PDE5A: variants seen among roughly 807,000 people sequenced by gnomAD.
PDE5A encodes the protein cGMP-specific 3',5'-cyclic phosphodiesterase.
In PDE5A, 67 loss-of-function variants were observed where a neutral mutation model predicts 110.2. The ratio of observed to expected loss-of-function variants is 0.61; its 90% CI spans 0.50 to 0.75. PDE5A has a LOEUF of 0.75. Among genes scored for constraint, PDE5A ranks in the 30% least tolerant of loss-of-function variants. The pLI, the probability that PDE5A is intolerant of heterozygous loss-of-function variation, is 0.00. For synonymous variants in PDE5A, 328 were observed against 351.2 expected (o/e 0.93, Z 0.74); for missense variants, 862 against 1,045.1 (o/e 0.82, Z 2.42).
At chr4:119,505,996 A>G in intron 16 of PDE5A, 64 bp from the exon 17 acceptor site, 1 of 852,064 alleles carries the variant, frequency 1.2e-6, no homozygotes, top group Non-Finnish European at 1.8e-6. Context: ...CCTTTGGTCC[A>G]CAAAGACTCA....
Position 119,627,129 on chromosome 4 carries a change from G to C in PDE5A, c.152+1391C>G. On this transcript the variant is annotated intron_variant, in intron 1 of 20. Transcript: ENST00000354960. This position sits in a 1 kb window ranked among gnomAD's most constrained non-coding sequence, Gnocchi z 4.6. The stretch of plus-strand genomic sequence containing the variant: ...CCCGGAAAAAGTGGGAAGGGACGTA[G>C]GGGGATGCTGAAGGAAGTACCTTGT... The C allele has an allele frequency of 6.2e-7, 1 of 1,612,130 alleles. No homozygotes were observed. The highest frequency in any genetic ancestry group is 8.5e-7 in the Non-Finnish European group (1 of 1,178,966).
chr4:119,526,779 A>C (rs1252539386), intron 11 of PDE5A, among the ~76,000 whole-genome samples: 1 of 152,150 alleles, frequency 6.6e-6, no homozygotes, highest in East Asian at 1.9e-4. Flanking sequence ...TTCAGATTTC[A>C]CTTACATATA....
chr4:119,611,283 T>G (rs1311233377), intron 1 of PDE5A, among the ~76,000 whole-genome samples: 1 of 152,232 alleles, frequency 6.6e-6, no homozygotes, highest in African/African-American at 2.4e-5. Context: ...TGACTAGATA[T>G]TTCATTAGTG....
Position 119,628,611 on chromosome 4 carries a change from T to G in PDE5A, c.61A>C (p.Lys21Gln), listed in dbSNP as rs1553931693. ...GAGTCCTGATCCCTCTGCTGCTGCT[T>G]CTGCTGCTGGGGCTGCTGCTGCTGT... is the stretch of plus-strand genomic sequence containing the variant. ...QRQQQQPQQQ[K>Q]QQQRDQDSVE... Residue 21 changes from lysine (K) to glutamine (Q), a missense_variant, in exon 1 of 21, where the codon AAG (lysine) becomes CAG (glutamine). Physicochemically the swap from Lys to Gln is moderately conservative, Grantham distance 53. Coordinates refer to ENST00000354960, the MANE Select transcript of PDE5A (RefSeq NM_001083.4). The G allele has an allele frequency of 5.6e-6, 9 of 1,613,856 alleles. No individual in the cohort carries two copies. The Admixed American group carries it at 8.3e-5, about 15-fold the overall frequency.
Position 119,494,495 on chromosome 4 carries a change from C to T in PDE5A, c.*4106G>A, listed in dbSNP as rs776694877. 6.6e-6 allele frequency: 1 copy of T among 152,456 alleles called. No homozygotes were observed. The highest frequency in any genetic ancestry group is 1.5e-5 in the Non-Finnish European group (1 of 68,018). 9.4% of individuals were successfully genotyped at this position (152,456 alleles called of 1,614,324 possible). A position where few individuals can be genotyped will look rare whatever the true frequency, so the allele number is the denominator to read the frequency against. On this transcript the variant is annotated 3_prime_UTR_variant, in exon 21 of 21. Coordinates refer to ENST00000354960, the MANE Select transcript of PDE5A (RefSeq NM_001083.4). ...TTGCACAATGGAAAACCACCTTGAC[C>T]ATCTCATGACTTTATACAGGAATCG... is the stretch of plus-strand genomic sequence containing the variant.
intron 1 of PDE5A, among the ~76,000 whole-genome samples, chr4:119,624,448 G>C (rs902423153): frequency 6.6e-6 from 1 of 152,256 alleles, no homozygotes; most frequent in East Asian, 1.9e-4. Context: ...ACAGGACCAG[G>C]AACCTCAATT....
At chr4:119,615,629 GA>G (rs1314422482) in intron 1 of PDE5A, among the ~76,000 whole-genome samples, 58 of 129,092 alleles carry the variant, frequency 4.5e-4, no homozygotes, top group Admixed American at 3.2e-3. Flanking sequence ...AAAAAAAAAA[GA>G]AAAAAAAAAG....
chr4:119,567,624 G>A (rs931070053), intron 3 of PDE5A, among the ~76,000 whole-genome samples: 66 of 152,208 alleles, frequency 4.3e-4, no homozygotes, highest in African/African-American at 1.6e-3. Flanking sequence ...GATCATTAGG[G>A]CAAAAATAAT....
chr4:119,542,521 G>C lies in PDE5A; in HGVS notation c.1510C>G (p.Gln504Glu). The change falls in exon 10 of 21, where the codon CAG (glutamine) becomes GAG (glutamate). Residue 504 changes from glutamine to glutamate, a missense_variant. Coordinates refer to ENST00000354960, the MANE Select transcript of PDE5A (RefSeq NM_001083.4). ...ACTGCTTCATACATCTGCGTGTTCT[G>C]GATCCCCAAGCCACAAAAGATGACA... ...AFVIFCGLGIQNTQMYEAVER... is the reference protein window; with the variant it reads ...AFVIFCGLGIENTQMYEAVER... The C allele has an allele frequency of 6.2e-7, 1 of 1,613,878 alleles. No individual in the cohort carries two copies. The highest frequency in any genetic ancestry group is 8.5e-7 in the Non-Finnish European group (1 of 1,179,924).
chr4:119,619,492 G>A (rs1281533191), intron 1 of PDE5A, among the ~76,000 whole-genome samples: 1 of 152,042 alleles, frequency 6.6e-6, no homozygotes, highest in Non-Finnish European at 1.5e-5. Context: ...AAAATCTGGG[G>A]GTCTGGGCTC....
At chr4:119,517,588 T>G (rs1725958232) in intron 14 of PDE5A, among the ~76,000 whole-genome samples, 1 of 142,896 alleles carries the variant, frequency 7.0e-6, no homozygotes, top group Non-Finnish European at 1.6e-5. Context: ...CCAGGATGTT[T>G]TCTTTTTCTT....
intron 5 of PDE5A, among the ~76,000 whole-genome samples, chr4:119,565,070 A>C (rs1302624406): frequency 6.6e-6 from 1 of 152,174 alleles, no homozygotes; most frequent in East Asian, 1.9e-4. Flanking sequence ...CAGTAGGATA[A>C]GAGTAATGGC....
chr4:119,580,511 T>A (rs1728553114), intron 3 of PDE5A, among the ~76,000 whole-genome samples: 1 of 152,246 alleles, frequency 6.6e-6, no homozygotes, highest in African/African-American at 2.4e-5. Context: ...TCCATTTGTC[T>A]GGCTTTGCAA....
chr4:119,498,592 A>T lies in PDE5A; in HGVS notation c.*9T>A. The T allele has an allele frequency of 6.2e-7, 1 of 1,613,892 alleles. No homozygotes were observed. On this transcript the variant is annotated 3_prime_UTR_variant, in exon 21 of 21. Coordinates refer to ENST00000354960, the MANE Select transcript of PDE5A (RefSeq NM_001083.4). ...TCTGTAAACTTCAACTCTGCATGAAATAGGCCACTCAGTTCCGCTTGGCCT... is the reference window on the plus strand; with the variant it reads ...TCTGTAAACTTCAACTCTGCATGAATTAGGCCACTCAGTTCCGCTTGGCCT...
At chr4:119,508,664 T>G (rs1725638304) in intron 15 of PDE5A, among the ~76,000 whole-genome samples, 1 of 152,050 alleles carries the variant, frequency 6.6e-6, no homozygotes, top group African/African-American at 2.4e-5. Context: ...AACATTATTT[T>G]TAAATACTAA....
At chr4:119,511,184 GC>G in intron 14 of PDE5A, 50 bp from the exon 15 acceptor site, 1 of 1,128,646 alleles carries the variant, frequency 8.9e-7, no homozygotes, top group East Asian at 2.4e-5. Flanking sequence ...TCCTTAATAT[GC>G]CATTTATCAG....
At chr4:119,544,898 A>G (rs1417293011) in intron 9 of PDE5A, among the ~76,000 whole-genome samples, 1 of 152,188 alleles carries the variant, frequency 6.6e-6, no homozygotes, top group Non-Finnish European at 1.5e-5. Context: ...TGTTATGTGT[A>G]GAAATATCAA....
At chr4:119,546,063 T>C (rs1727120914) in intron 9 of PDE5A, among the ~76,000 whole-genome samples, 2 of 152,114 alleles carry the variant, frequency 1.3e-5, no homozygotes, top group African/African-American at 4.8e-5. Flanking sequence ...TAAACCTATA[T>C]TTTCCCTAGT....
intron 15 of PDE5A, 27 bp downstream of exon 15, chr4:119,511,020 T>C: frequency 7.9e-7 from 1 of 1,259,064 alleles, no homozygotes; most frequent in Non-Finnish European, 1.1e-6. Context: ...TCTTTTAAAA[T>C]TCCACAACAA....
Sources: allele counts gnomAD v4.1 joint callset (sites outside exome capture counted in the v4.1 genomes callset), GRCh38; gene constraint gnomAD v4.1.1; non-coding constraint Gnocchi (gnomAD v3.1); transcripts MANE v1.5; gene names NCBI Gene and HGNC (gene_info 2026-07-23, HGNC 2026-07-21).